TMEM200A: variants seen among roughly 807,000 people sequenced by gnomAD.
TMEM200A encodes the protein transmembrane protein 200A.
Under a neutral mutation model 24.3 loss-of-function variants are expected in TMEM200A, and 12 were observed. That is an observed-to-expected ratio of 0.49 (90% CI 0.32 to 0.80). TMEM200A has a LOEUF of 0.80. Ranked by LOEUF, TMEM200A falls within the 30% of genes least tolerant of loss-of-function variation. The probability of loss-of-function intolerance (pLI) is 0.04; values close to 1 mark genes in which losing one functional copy is unlikely to be tolerated. For missense variants in TMEM200A, 545 were observed against 614.4 expected (o/e 0.89, Z 1.19); for synonymous variants, 224 against 224.4 (o/e 1.00, Z 0.02).
intron 1 of TMEM200A, among the ~76,000 whole-genome samples, chr6:130,368,679 A>G (rs191464266): frequency 1.8e-3 from 277 of 152,222 alleles, no homozygotes; most frequent in Non-Finnish European, 3.2e-3. Context: ...GGCCTTTTCT[A>G]TGGGCTTATA....
At chr6:130,394,058 T>A (rs1778895464) in intron 2 of TMEM200A, among the ~76,000 whole-genome samples, 1 of 152,146 alleles carries the variant, frequency 6.6e-6, no homozygotes, top group African/African-American at 2.4e-5. Flanking sequence ...ACAAATCACA[T>A]CCCTAGTTGT....
chr6:130,401,395 TTCTTTCTTTTTC>T (rs1342929046), intron 2 of TMEM200A, among the ~76,000 whole-genome samples: 1 of 82,232 alleles, frequency 1.2e-5, no homozygotes, highest in Non-Finnish European at 2.1e-5. Flanking sequence ...GCTTGCTTCT[TTCTTTCTTTTTC>T]TTTCTTTCTC....
intron 2 of TMEM200A, among the ~76,000 whole-genome samples, chr6:130,425,285 A>G (rs1299398080): frequency 1.3e-5 from 2 of 150,418 alleles, no homozygotes; most frequent in African/African-American, 2.4e-5. Flanking sequence ...GTTTGAAGTT[A>G]TAATTGGTCT....
intron 2 of TMEM200A, among the ~76,000 whole-genome samples, chr6:130,417,652 A>G (rs1583214014): frequency 6.6e-6 from 1 of 152,184 alleles, no homozygotes; most frequent in East Asian, 1.9e-4. Context: ...ATAACTTTAC[A>G]CTTTATGGAC....
intron 1 of TMEM200A, among the ~76,000 whole-genome samples, chr6:130,372,017 A>C (rs1345023981): frequency 1.3e-5 from 2 of 152,198 alleles, no homozygotes; most frequent in Non-Finnish European, 2.9e-5. Flanking sequence ...ATGCCTCCCC[A>C]CCATCGCCAC....
chr6:130,398,142 A>G (rs945344168), intron 2 of TMEM200A, among the ~76,000 whole-genome samples: 6 of 152,014 alleles, frequency 3.9e-5, no homozygotes, highest in Non-Finnish European at 8.8e-5. Flanking sequence ...TCCATCAAGT[A>G]GTCCCCGGTG....
chr6:130,408,884 C>CA (rs1487831711), intron 2 of TMEM200A, among the ~76,000 whole-genome samples: 1 of 152,060 alleles, frequency 6.6e-6, no homozygotes, highest in African/African-American at 2.4e-5. Flanking sequence ...AGTAGTTGGC[C>CA]AACAGCCTGT....
intron 2 of TMEM200A, among the ~76,000 whole-genome samples, chr6:130,425,422 T>A (rs1779708798): frequency 1.3e-5 from 2 of 152,192 alleles, no homozygotes; most frequent in South Asian, 4.1e-4. Context: ...CTATTTGATT[T>A]ACCTAATTAC....
At chr6:130,389,093 T>G (rs1778776792) in intron 2 of TMEM200A, among the ~76,000 whole-genome samples, 1 of 152,208 alleles carries the variant, frequency 6.6e-6, no homozygotes, top group African/African-American at 2.4e-5. Flanking sequence ...AAAGTAGAAC[T>G]GTAAAATACA....
intron 2 of TMEM200A, among the ~76,000 whole-genome samples, chr6:130,406,033 C>T (rs972613432): frequency 6.6e-6 from 1 of 152,162 alleles, no homozygotes; most frequent in African/African-American, 2.4e-5. Flanking sequence ...ATCCTCTTCT[C>T]CAAAGTTAAT....
intron 1 of TMEM200A, among the ~76,000 whole-genome samples, chr6:130,370,642 G>T (rs557081452): frequency 2.0e-5 from 3 of 152,226 alleles, no homozygotes; most frequent in Non-Finnish European, 2.9e-5. Flanking sequence ...CCCAAGCAAG[G>T]TATAGCCCAG....
intron 2 of TMEM200A, among the ~76,000 whole-genome samples, chr6:130,407,753 A>G (rs1381245417): frequency 1.3e-5 from 2 of 152,238 alleles, no homozygotes; most frequent in African/African-American, 4.8e-5. Context: ...CAGACTACAA[A>G]TAACATTTTA....
intron 2 of TMEM200A, among the ~76,000 whole-genome samples, chr6:130,413,436 C>T (rs986807129): frequency 1.3e-5 from 2 of 152,132 alleles, no homozygotes; most frequent in African/African-American, 4.8e-5. Flanking sequence ...CTCATGATTC[C>T]CAATACTGAC....
chr6:130,366,587 A>C lies in TMEM200A; in HGVS notation c.-81+63A>C. 5.1e-6 allele frequency: 5 copies of C among 985,774 alleles called. No homozygotes were observed. The highest frequency in any genetic ancestry group is 4.8e-6 in the Non-Finnish European group (4 of 830,204). 61.1% of individuals were successfully genotyped at this position (985,774 alleles called of 1,614,324 possible). On this transcript the variant is annotated intron_variant, in intron 1 of 2. Coordinates refer to ENST00000296978, the MANE Select transcript of TMEM200A (RefSeq NM_001258277.2). The surrounding 1 kb of genome is among the most constrained non-coding windows in gnomAD (Gnocchi z 4.4). ...GTGGGTGGGCGGCCACCGCAGCCGAAACCGGGCACTTCTTCAGCCCTCTGC... is the reference window on the plus strand; with the variant it reads ...GTGGGTGGGCGGCCACCGCAGCCGACACCGGGCACTTCTTCAGCCCTCTGC...
At chr6:130,385,770 T>C (rs1048793113) in intron 2 of TMEM200A, among the ~76,000 whole-genome samples, 7 of 152,218 alleles carry the variant, frequency 4.6e-5, no homozygotes, top group Non-Finnish European at 1.0e-4. Flanking sequence ...GCATTAACCA[T>C]TTCATGATGC....
chr6:130,375,385 C>T (rs1191593541), intron 1 of TMEM200A, among the ~76,000 whole-genome samples: 2 of 152,136 alleles, frequency 1.3e-5, no homozygotes, highest in Non-Finnish European at 2.9e-5. Context: ...AAAAAGTAAA[C>T]TTGGCTCAGG....
intron 2 of TMEM200A, among the ~76,000 whole-genome samples, chr6:130,397,332 A>G (rs930705682): frequency 1.3e-5 from 2 of 152,118 alleles, no homozygotes; most frequent in East Asian, 1.9e-4. Flanking sequence ...AAGTGATTGT[A>G]CCAATTTGTA....
intron 2 of TMEM200A, among the ~76,000 whole-genome samples, chr6:130,410,222 A>G (rs1219640965): frequency 1.3e-5 from 2 of 152,122 alleles, no homozygotes; most frequent in Non-Finnish European, 2.9e-5. Context: ...TGATTTAGGA[A>G]GGGGCTGAAG....
intron 2 of TMEM200A, among the ~76,000 whole-genome samples, chr6:130,393,985 G>C (rs971482433): frequency 6.6e-6 from 1 of 152,092 alleles, no homozygotes; most frequent in South Asian, 2.1e-4. Flanking sequence ...ATGCCTCTTT[G>C]ATTGGAATGA....
Sources: allele counts gnomAD v4.1 joint callset (sites outside exome capture counted in the v4.1 genomes callset), GRCh38; gene constraint gnomAD v4.1.1; non-coding constraint Gnocchi (gnomAD v3.1); transcripts MANE v1.5; gene names NCBI Gene and HGNC (gene_info 2026-07-23, HGNC 2026-07-21).